MYH1: variants seen among roughly 807,000 people sequenced by gnomAD.
The protein encoded by MYH1 is myosin-1.
In MYH1, 214 loss-of-function variants were observed where a neutral mutation model predicts 225.6. That is an observed-to-expected ratio of 0.95 (90% CI 0.85 to 1.06). The LOEUF is 1.06. Ranked by LOEUF, MYH1 falls within the 50% of genes least tolerant of loss-of-function variation. The pLI is 0.00. For synonymous variants in MYH1, 774 were observed against 842.3 expected, an observed-to-expected ratio of 0.92 and a Z score of 1.40; for missense variants, 2,098 against 2,344.2, an observed-to-expected ratio of 0.89 and a Z score of 2.17.
chr17:10,494,617 G>T lies in MYH1; in HGVS notation c.5523C>A (p.Val1841=). The change falls in exon 38 of 40, where the codon GTC becomes GTA. Residue 1841 remains valine (V), a synonymous_variant. Transcript: ENST00000226207. ...TTCTCTCATGTTTGCGTAGACCCTT[G>T]ACAGCTTCAACATTGCGCTTCTGTT... ...ESEQKRNVEA[V]KGLRKHERKV... is the part of the protein sequence containing the mutation. 6.2e-7 allele frequency: 1 copy of T among 1,613,984 alleles called. No individual in the cohort carries two copies. The highest frequency in any genetic ancestry group is 1.6e-4 in the Middle Eastern group (1 of 6,062).
rs149097318 is a variant in MYH1 at position 10,501,081 on chromosome 17, A to C, written c.3738+29T>G. 543 of 1,607,130 alleles carry C rather than the reference A, an allele frequency of 3.4e-4. 3 individuals carry two copies. The African/African-American group carries it at 6.6e-3, about 20-fold the overall frequency. On this transcript the variant is annotated intron_variant, in intron 27 of 39. Transcript: ENST00000226207. ...GTGCTAAAGGGAAAAACAAAAAACCAAATAATCAATGTGAAGTGTTGATTG... is the reference window on the plus strand; with the variant it reads ...GTGCTAAAGGGAAAAACAAAAAACCCAATAATCAATGTGAAGTGTTGATTG...
Position 10,494,607 on chromosome 17 carries a change from G to A in MYH1, c.5533C>T (p.Arg1845Cys), listed in dbSNP as rs1039075314. Residue 1845 changes from arginine (R) to cysteine (C), a missense_variant, in exon 38 of 40, where the codon CGC (arginine) becomes TGC (cysteine). Arg to Cys is a radical substitution (Grantham distance 180). Coordinates refer to ENST00000226207, the MANE Select transcript of MYH1 (RefSeq NM_005963.4). ...TCCTTCACTTTTCTCTCATGTTTGC[G>A]TAGACCCTTGACAGCTTCAACATTG... The part of the protein sequence containing the change: ...KRNVEAVKGL[R>C]KHERKVKELT... 2.6e-5 allele frequency: 42 copies of A among 1,613,920 alleles called. No individual in the cohort carries two copies. Among genetic ancestry groups the A allele is most frequent in the Middle Eastern group, 1.7e-4 (1 of 6,060 alleles).
chr17:10,498,523 C>CA, intron 30 of MYH1, 103 bp downstream of exon 30: 1 of 1,495,250 alleles, frequency 6.7e-7, no homozygotes, highest in Non-Finnish European at 9.2e-7. Flanking sequence ...TTAATTCCAA[C>CA]AATATGGCTG....
chr17:10,514,954 A>G lies in MYH1; in HGVS notation c.506-59T>C, dbSNP rs377590030. On this transcript the variant is annotated intron_variant, in intron 5 of 39. Transcript: ENST00000226207. ...ATCAGTTACACAAACAAAACTTTCTATAGTGAAACAGGGCATTTGAGTATA... is the reference window on the plus strand; with the variant it reads ...ATCAGTTACACAAACAAAACTTTCTGTAGTGAAACAGGGCATTTGAGTATA... 206 of 1,490,064 alleles carry G rather than the reference A, an allele frequency of 1.4e-4. 1 individual carries two copies. Among genetic ancestry groups the G allele is most frequent in the South Asian group, 4.1e-4 (36 of 87,748 alleles). 92.3% of individuals were successfully genotyped at this position (1,490,064 alleles called of 1,614,324 possible). A position where few individuals can be genotyped will look rare whatever the true frequency, so the allele number is the denominator to read the frequency against.
chr17:10,515,914 T>C lies in MYH1; in HGVS notation c.505+12A>G. On this transcript the variant is annotated intron_variant, in intron 5 of 39. Coordinates refer to ENST00000226207, the MANE Select transcript of MYH1 (RefSeq NM_005963.4). ...TAAAATAATTCATATGAAAACCAGCTGAGCCACTCACCAGTCAGCATGAAC... is the reference window on the plus strand; with the variant it reads ...TAAAATAATTCATATGAAAACCAGCCGAGCCACTCACCAGTCAGCATGAAC... The C allele has an allele frequency of 6.2e-7, 1 of 1,614,120 alleles. No individual in the cohort carries two copies. The highest frequency in any genetic ancestry group is 8.5e-7 in the Non-Finnish European group (1 of 1,179,996).
chr17:10,514,247 T>C, intron 6 of MYH1, 123 bp from the exon 7 acceptor site: 1 of 1,125,284 alleles, frequency 8.9e-7, no homozygotes, highest in Non-Finnish European at 1.3e-6. Flanking sequence ...AGCCTACATA[T>C]AGCTCGTATT....
intron 22 of MYH1, 90 bp downstream of exon 22, chr17:10,504,720 C>T: frequency 7.1e-7 from 1 of 1,410,896 alleles, no homozygotes; most frequent in Non-Finnish European, 9.7e-7. Flanking sequence ...ATAATCTGTC[C>T]CTTATTTGGT....
rs1337678079 is a variant in MYH1 at position 10,516,643 on chromosome 17, G to A, written c.-1C>T. 2.5e-6 allele frequency: 4 copies of A among 1,614,110 alleles called. No individual in the cohort carries two copies. The highest frequency in any genetic ancestry group is 2.7e-5 in the African/African-American group (2 of 74,936). On this transcript the variant is annotated 5_prime_UTR_variant, in exon 3 of 40. Coordinates refer to ENST00000226207, the MANE Select transcript of MYH1 (RefSeq NM_005963.4). ...TGGCCATCTCAGAGTCGGAACTCAT[G>A]GCTGCAGGTTATTGATGGTAGCCCA...
intron 2 of MYH1, among the ~76,000 whole-genome samples, chr17:10,516,988 T>G (rs1020016101): frequency 6.6e-6 from 1 of 152,222 alleles, no homozygotes; most frequent in Non-Finnish European, 1.5e-5. Flanking sequence ...CATTGGCTTA[T>G]AGAGAACATA....
rs2073004180 is a variant in MYH1 at position 10,497,119 on chromosome 17, G to T, written c.4606C>A (p.Gln1536Lys). 1.2e-6 allele frequency: 2 copies of T among 1,614,012 alleles called. No homozygotes were observed. Among genetic ancestry groups the T allele is most frequent in the Non-Finnish European group, 1.7e-6 (2 of 1,179,988 alleles). Residue 1536 changes from glutamine (Q) to lysine (K), a missense_variant, in exon 33 of 40, where the codon CAA (glutamine) becomes AAA (lysine). Transcript: ENST00000226207. ...RIHELEKIKK[Q>K]VEQEKSELQA... is the part of the protein sequence containing the mutation. ...AGTTCAGACTTTTCTTGCTCAACTTGCTTCTTTATTTTTTCCAGTTCATGG... is the reference window on the plus strand; with the variant it reads ...AGTTCAGACTTTTCTTGCTCAACTTTCTTCTTTATTTTTTCCAGTTCATGG...
chr17:10,497,791 A>G lies in MYH1; in HGVS notation c.4308T>C (p.Val1436=). The change falls in exon 31 of 40, where the codon GTT becomes GTC. Residue 1436 remains valine, a synonymous_variant. Coordinates refer to ENST00000226207, the MANE Select transcript of MYH1 (RefSeq NM_005963.4). The part of the protein sequence containing the change: ...QNEVEDLMID[V]ERTNAACAAL... ...CGGCACAGGCAGCATTTGTCCTCTCAACATCAATCATGAGGTCCTCAACTT... is the reference window on the plus strand; with the variant it reads ...CGGCACAGGCAGCATTTGTCCTCTCGACATCAATCATGAGGTCCTCAACTT... 1 of 1,614,174 alleles carries G rather than the reference A, an allele frequency of 6.2e-7. No individual in the cohort carries two copies. Among genetic ancestry groups the G allele is most frequent in the Non-Finnish European group, 8.5e-7 (1 of 1,180,032 alleles).
Position 10,504,792 on chromosome 17 carries a change from T to G in MYH1, c.2691+18A>C. 1 of 1,612,592 alleles carries G rather than the reference T, an allele frequency of 6.2e-7. No individual in the cohort carries two copies. The highest frequency in any genetic ancestry group is 1.3e-5 in the African/African-American group (1 of 74,822). On this transcript the variant is annotated intron_variant, in intron 22 of 39. Transcript: ENST00000226207. ...AGTTTTAGCATCAGATTGCAGGAAA[T>G]GACTTCGGGATACTCACAGCTTGAA...
intron 30 of MYH1, 47 bp from the exon 31 acceptor site, chr17:10,497,964 G>C (rs766848307): frequency 2.6e-6 from 4 of 1,522,962 alleles, no homozygotes; most frequent in Non-Finnish European, 2.7e-6. Context: ...ACTGAATTGG[G>C]TGTTTCAAAG....
chr17:10,514,975 G>A (rs1172850323), intron 5 of MYH1, 80 bp from the exon 6 acceptor site: 1 of 1,256,796 alleles, frequency 8.0e-7, no homozygotes, highest in Non-Finnish European at 1.2e-6. Flanking sequence ...GGGCATTTGA[G>A]TATAAGTGTC....
intron 31 of MYH1, 82 bp from the exon 32 acceptor site, chr17:10,497,534 T>G (rs962444052): frequency 6.5e-7 from 1 of 1,527,016 alleles, no homozygotes; most frequent in African/African-American, 1.4e-5. Flanking sequence ...CCTCTCAGAG[T>G]TGAGGTGTTC....
chr17:10,498,515 A>G (rs1432669535), intron 30 of MYH1, 111 bp downstream of exon 30: 1 of 1,447,134 alleles, frequency 6.9e-7, no homozygotes, highest in Non-Finnish European at 9.5e-7. Flanking sequence ...CCAAAACATT[A>G]ATTCCAACAA....
chr17:10,509,782 A>G (rs2073153971), intron 14 of MYH1, 127 bp from the exon 15 acceptor site: 10 of 1,514,466 alleles, frequency 6.6e-6, no homozygotes, highest in Non-Finnish European at 9.0e-6. Flanking sequence ...CTATACCTAC[A>G]CAATGAAGTT....
At chr17:10,494,730 A>T (rs2072969844) in intron 37 of MYH1, 57 bp from the exon 38 acceptor site, 3 of 1,606,630 alleles carry the variant, frequency 1.9e-6, no homozygotes, top group Non-Finnish European at 2.5e-6. Flanking sequence ...ACTTCTTCAC[A>T]TGACCCACAT....
At chr17:10,498,007 T>G (rs1264966910) in intron 30 of MYH1, 90 bp from the exon 31 acceptor site, 58 of 1,245,822 alleles carry the variant, frequency 4.7e-5, no homozygotes, top group Non-Finnish European at 6.0e-5. Flanking sequence ...ACAATCAGAC[T>G]TCTTTAATAC....
Sources: gnomAD v4.1 joint callset for allele counts (sites outside exome capture counted in the v4.1 genomes callset) on GRCh38, gnomAD v4.1.1 for gene constraint, MANE v1.5 for transcripts, NCBI Gene and HGNC (gene_info 2026-07-23, HGNC 2026-07-21) for gene names.